The following ATP9B variants were observed in gnomAD, a reference collection of about 807,000 sequenced individuals.
ATP9B encodes ATPase phospholipid transporting 9B, also known as probable phospholipid-transporting ATPase IIB.
Under a neutral mutation model 146.1 loss-of-function variants are expected in ATP9B, and 110 were observed. The ratio of observed to expected loss-of-function variants is 0.75; its 90% CI spans 0.65 to 0.88. The LOEUF (loss-of-function observed/expected upper bound fraction) is 0.88. ATP9B is among the 40% of genes least tolerant of loss of function. The pLI, the probability that ATP9B is intolerant of heterozygous loss-of-function variation, is 0.00. For missense variants in ATP9B, 1,499 were observed against 1,496.4 expected, an observed-to-expected ratio of 1.00 and a Z score of -0.03; for synonymous variants, 604 against 569.7, an observed-to-expected ratio of 1.06 and a Z score of -0.86.
At chr18:79,088,943 G>A (rs186398278) in intron 1 of ATP9B, among the ~76,000 whole-genome samples, 7 of 152,270 alleles carry the variant, frequency 4.6e-5, no homozygotes, top group South Asian at 4.1e-4. Flanking sequence ...TCTTACCAGC[G>A]ATTAAGAGTG....
chr18:79,245,290 G>T (rs971369827), intron 11 of ATP9B, among the ~76,000 whole-genome samples: 5 of 152,172 alleles, frequency 3.3e-5, no homozygotes, highest in African/African-American at 1.2e-4. Flanking sequence ...AAAACCAAAT[G>T]CCACTTCTAT....
At chr18:79,076,372 C>T (rs1363437265) in intron 1 of ATP9B, among the ~76,000 whole-genome samples, 2 of 152,184 alleles carry the variant, frequency 1.3e-5, no homozygotes, top group African/African-American at 4.8e-5. Flanking sequence ...TTTCCTTCAT[C>T]TGAAGATGCC....
chr18:79,229,824 A>C lies in ATP9B; in HGVS notation c.1107+15786A>C, dbSNP rs76745484. ...TTATGGATGCTAATAAGCTGAAACAAAATTAAATGGATTCTTGAACATTTT... is the reference window on the plus strand; with the variant it reads ...TTATGGATGCTAATAAGCTGAAACACAATTAAATGGATTCTTGAACATTTT... On this transcript the variant is annotated intron_variant, in intron 11 of 29. Transcript: ENST00000426216. Among the ~76,000 whole-genome samples the C allele has an allele frequency of 1.8e-3, 278 of 152,376 alleles. 3 individuals are homozygous for C. The East Asian group carries it at 0.052, about 29-fold the overall frequency.
chr18:79,311,860 C>T (rs914121326), intron 15 of ATP9B, among the ~76,000 whole-genome samples: 1 of 152,174 alleles, frequency 6.6e-6, no homozygotes, highest in Non-Finnish European at 1.5e-5. Context: ...AGCCAGTACA[C>T]GTTCCTCTCT....
At chr18:79,268,770 A>G (rs2096228448) in intron 12 of ATP9B, among the ~76,000 whole-genome samples, 2 of 152,202 alleles carry the variant, frequency 1.3e-5, no homozygotes, top group Admixed American at 6.5e-5. Context: ...ATCTTAGAGT[A>G]GAGTAATTTG....
At chr18:79,244,646 T>C (rs2095924952) in intron 11 of ATP9B, among the ~76,000 whole-genome samples, 1 of 152,196 alleles carries the variant, frequency 6.6e-6, no homozygotes, top group African/African-American at 2.4e-5. Context: ...CTGTAATGAA[T>C]ATTTAAAAGT....
At chr18:79,291,514 C>T (rs1054740618) in intron 13 of ATP9B, among the ~76,000 whole-genome samples, 12 of 152,094 alleles carry the variant, frequency 7.9e-5, no homozygotes, top group African/African-American at 2.4e-4. Flanking sequence ...AAAAAATCAT[C>T]GAGATTTAAA....
intron 15 of ATP9B, among the ~76,000 whole-genome samples, chr18:79,308,279 C>T (rs1352921648): frequency 6.6e-6 from 1 of 152,130 alleles, no homozygotes; most frequent in East Asian, 1.9e-4. Flanking sequence ...TCTAAGCGTT[C>T]CTGAAAAAAT....
chr18:79,329,076 C>T, intron 15 of ATP9B, 65 bp from the exon 16 acceptor site: 2 of 1,417,834 alleles, frequency 1.4e-6, no homozygotes, highest in South Asian at 1.6e-5. Context: ...CACTGCCGTG[C>T]TGGCTCGCCT....
intron 9 of ATP9B, among the ~76,000 whole-genome samples, chr18:79,203,536 A>G (rs1275693295): frequency 6.6e-6 from 1 of 152,210 alleles, no homozygotes; most frequent in Non-Finnish European, 1.5e-5. Flanking sequence ...AAAGAATTTC[A>G]TGAGTGTTCT....
At chr18:79,284,311 T>C (rs2096411255) in intron 13 of ATP9B, among the ~76,000 whole-genome samples, 1 of 152,224 alleles carries the variant, frequency 6.6e-6, no homozygotes, top group Non-Finnish European at 1.5e-5. Context: ...TTTACTAATG[T>C]GTGTCCTTGG....
intron 11 of ATP9B, among the ~76,000 whole-genome samples, chr18:79,243,189 G>C (rs1231623926): frequency 6.6e-6 from 1 of 152,184 alleles, no homozygotes; most frequent in African/African-American, 2.4e-5. Flanking sequence ...TGTGTGGGCG[G>C]AACAGAAAAT....
chr18:79,076,497 C>T (rs1041639170), intron 1 of ATP9B, among the ~76,000 whole-genome samples: 2 of 152,186 alleles, frequency 1.3e-5, no homozygotes, highest in African/African-American at 4.8e-5. Context: ...GGTCTCCGTG[C>T]TTTCTGATGA....
At chr18:79,304,184 G>A (rs141154477) in intron 14 of ATP9B, among the ~76,000 whole-genome samples, 85 of 152,064 alleles carry the variant, frequency 5.6e-4, no homozygotes, top group Middle Eastern at 3.4e-3. Context: ...GTGCCCAGGT[G>A]GTGATGTTTC....
At chr18:79,376,339 G>C (rs954418198) in intron 29 of ATP9B, 1 of 985,104 alleles carries the variant, frequency 1.0e-6, no homozygotes, top group Non-Finnish European at 1.2e-6. Context: ...CTGCCACAGA[G>C]TGTTGTCCAC....
chr18:79,224,072 T>A (rs2095706273), intron 11 of ATP9B, among the ~76,000 whole-genome samples: 1 of 152,224 alleles, frequency 6.6e-6, no homozygotes, highest in South Asian at 2.1e-4. Flanking sequence ...TTGTTGCATA[T>A]TAAATAAGAA....
At chr18:79,125,410 A>G (rs779221174) in intron 4 of ATP9B, among the ~76,000 whole-genome samples, 5 of 152,238 alleles carry the variant, frequency 3.3e-5, no homozygotes, top group Non-Finnish European at 7.3e-5. Flanking sequence ...ATACCATTTC[A>G]GTAAATACAA....
At chr18:79,375,715 T>C (rs1207723020) in intron 29 of ATP9B, 10 of 985,264 alleles carry the variant, frequency 1.0e-5, no homozygotes, top group Admixed American at 6.1e-5. Context: ...CCTTTTCAGT[T>C]GTAGGGGCTG....
intron 3 of ATP9B, among the ~76,000 whole-genome samples, chr18:79,111,581 G>T (rs558438162): frequency 1.3e-5 from 2 of 152,280 alleles, no homozygotes; most frequent in East Asian, 3.9e-4. Context: ...ACTGTTTTCT[G>T]CTTAGGTTTA....
Sources: gnomAD v4.1 joint callset for allele counts (sites outside exome capture counted in the v4.1 genomes callset) on GRCh38, gnomAD v4.1.1 for gene constraint, MANE v1.5 for transcripts, NCBI Gene and HGNC (gene_info 2026-07-23, HGNC 2026-07-21) for gene names.